Variants in PEMT observed in about 807,000 individuals in gnomAD.
PEMT encodes phospholipid methyltransferase.
In PEMT, 23 loss-of-function variants were observed where a neutral mutation model predicts 27.4. The observed-to-expected ratio is 0.84, with a 90% confidence interval of 0.60 to 1.19. The LOEUF is 1.19. Ranked by LOEUF, PEMT falls within the 50% of genes most tolerant of loss-of-function variation. The pLI, the probability that PEMT is intolerant of heterozygous loss-of-function variation, is 0.00. For missense variants in PEMT, 307 were observed against 310.1 expected (o/e 0.99, Z 0.07); for synonymous variants, 137 against 139.1 (o/e 0.98, Z 0.11).
chr17:17,590,459 G>T (rs796437679), intron 1 of PEMT, among the ~76,000 whole-genome samples: 2 of 152,290 alleles, frequency 1.3e-5, no homozygotes, highest in African/African-American at 4.8e-5. Context: ...TTTCAATCCC[G>T]CCTTCCCATC....
chr17:17,541,671 T>C (rs948227610), intron 2 of PEMT, among the ~76,000 whole-genome samples: 1 of 152,230 alleles, frequency 6.6e-6, no homozygotes, highest in Non-Finnish European at 1.5e-5. Context: ...ATAAATATTT[T>C]GATATCTGTG....
At position 17,591,571 on chromosome 17, in the gene PEMT, G is replaced by C. The variant is rs771276431; in HGVS notation, c.56C>G (p.Pro19Arg). 2.9e-5 allele frequency: 47 copies of C among 1,613,722 alleles called. No individual in the cohort carries two copies. The highest frequency in any genetic ancestry group is 1.6e-4 in the Middle Eastern group (1 of 6,080). The change falls in exon 1 of 7, where the codon CCT becomes CGT. Residue 19 changes from proline (P) to arginine (R), a missense_variant. Physicochemically the swap from Pro to Arg is moderately radical, Grantham distance 103. Coordinates refer to ENST00000255389, the MANE Select transcript of PEMT (RefSeq NM_148172.3). ...AEVTNSSVAG[P>R]DCCGGLGNID... ...ATTGCCGAGGCCTCCGCAGCAGTCAGGCCCTGCCACCGAGCTGTTCGTTAC... is the reference window on the plus strand; with the variant it reads ...ATTGCCGAGGCCTCCGCAGCAGTCACGCCCTGCCACCGAGCTGTTCGTTAC...
intron 2 of PEMT, among the ~76,000 whole-genome samples, chr17:17,540,692 C>T (rs529302467): frequency 6.6e-6 from 1 of 152,280 alleles, no homozygotes; most frequent in East Asian, 1.9e-4. Context: ...CGCAGCACAG[C>T]CCACTTCTCC....
intron 2 of PEMT, among the ~76,000 whole-genome samples, chr17:17,574,085 G>A (rs1440010882): frequency 2.6e-5 from 4 of 151,780 alleles, no homozygotes; most frequent in African/African-American, 4.8e-5. Context: ...GATGCCGTCC[G>A]GATACTCTCC....
intron 2 of PEMT, among the ~76,000 whole-genome samples, chr17:17,537,415 G>A (rs750055627): frequency 7.2e-5 from 11 of 152,198 alleles, no homozygotes; most frequent in Admixed American, 5.2e-4. Flanking sequence ...GTGGTCCAGC[G>A]ACAGCAGAGG....
intron 3 of PEMT, among the ~76,000 whole-genome samples, chr17:17,516,516 G>A (rs771345827): frequency 6.6e-6 from 1 of 152,130 alleles, no homozygotes; most frequent in Admixed American, 6.5e-5. Flanking sequence ...GCCTCCTCAC[G>A]ACCTGTAAAC....
Position 17,512,682 on chromosome 17 carries a change from C to A in PEMT, c.321-28G>T. The A allele has an allele frequency of 6.7e-7, 1 of 1,482,310 alleles. No homozygotes were observed. Among genetic ancestry groups the A allele is most frequent in the Non-Finnish European group, 9.0e-7 (1 of 1,106,982 alleles). The allele number at this position is 1,482,310 out of a possible 1,614,324, so 91.8% of individuals were successfully genotyped here. A position where few individuals can be genotyped will look rare whatever the true frequency, so the allele number is the denominator to read the frequency against. On this transcript the variant is annotated intron_variant, in intron 3 of 6. Coordinates refer to ENST00000255389, the MANE Select transcript of PEMT (RefSeq NM_148172.3). The surrounding 1 kb of genome is among the most constrained non-coding windows in gnomAD (Gnocchi z 6.3). ...GTGGGCAGGGGATGGAGAGGGAGGA[C>A]GTCATGGCCAGGGAGGATGTCACAG...
chr17:17,530,190 T>C (rs2142563250), intron 2 of PEMT, among the ~76,000 whole-genome samples: 2 of 152,234 alleles, frequency 1.3e-5, no homozygotes, highest in Non-Finnish European at 2.9e-5. Context: ...ATGTAAATGT[T>C]TTGCATAATT....
chr17:17,536,481 G>T (rs144242598), intron 2 of PEMT, among the ~76,000 whole-genome samples: 28 of 152,242 alleles, frequency 1.8e-4, no homozygotes, highest in African/African-American at 6.7e-4. Context: ...TCTGCCTCCG[G>T]GTCCGAAGCA....
chr17:17,557,523 T>A (rs971439568), intron 2 of PEMT, among the ~76,000 whole-genome samples: 28 of 152,292 alleles, frequency 1.8e-4, no homozygotes, highest in Middle Eastern at 3.4e-3. Flanking sequence ...CAGGCGGTAA[T>A]GAGGATGCCT....
chr17:17,521,106 A>G, intron 3 of PEMT, among the ~76,000 whole-genome samples: 1 of 152,212 alleles, frequency 6.6e-6, no homozygotes, highest in African/African-American at 2.4e-5. Context: ...GAGCCAGGCT[A>G]CACGCGCCCC....
rs912025532 is a variant in PEMT at position 17,521,651 on chromosome 17, G to A, written c.320+629C>T. On this transcript the variant is annotated intron_variant, in intron 3 of 6. Transcript: ENST00000255389. ...GCAACCTCGGCTCACTGCAACCTCCGCCTCCTGGGTTCAAGCAATTCTCCT... is the reference window on the plus strand; with the variant it reads ...GCAACCTCGGCTCACTGCAACCTCCACCTCCTGGGTTCAAGCAATTCTCCT... Among the ~76,000 whole-genome samples, 8 of 152,182 alleles carry A rather than the reference G, an allele frequency of 5.3e-5. No individual in the cohort carries two copies. The South Asian group carries it at 6.2e-4, about 12-fold the overall frequency.
intron 2 of PEMT, among the ~76,000 whole-genome samples, chr17:17,540,548 A>G (rs1248839922): frequency 6.6e-6 from 1 of 152,198 alleles, no homozygotes; most frequent in Non-Finnish European, 1.5e-5. Context: ...GCTGGCCTCC[A>G]CCAGCCAGAC....
intron 2 of PEMT, among the ~76,000 whole-genome samples, chr17:17,574,012 G>A (rs1342498981): frequency 6.6e-6 from 1 of 151,840 alleles, no homozygotes; most frequent in Non-Finnish European, 1.5e-5. Flanking sequence ...CAACTCCTTG[G>A]CTCAACTGAT....
chr17:17,517,952 T>C, intron 3 of PEMT: 1 of 985,004 alleles, frequency 1.0e-6, no homozygotes, highest in Non-Finnish European at 1.2e-6. Flanking sequence ...TCCAGGTGCC[T>C]CCTAGCCCAG....
intron 2 of PEMT, among the ~76,000 whole-genome samples, chr17:17,551,468 G>A (rs1567714191): frequency 6.6e-6 from 1 of 152,234 alleles, no homozygotes; most frequent in South Asian, 2.1e-4. Context: ...AGCTGGCGCG[G>A]GCTTGCAGGC....
chr17:17,559,160 C>A (rs1158315249), intron 2 of PEMT, among the ~76,000 whole-genome samples: 1 of 152,204 alleles, frequency 6.6e-6, no homozygotes, highest in Admixed American at 6.5e-5. Context: ...GCACAGCTAG[C>A]AAGTGTGCTG....
Position 17,509,501 on chromosome 17 carries a change from G to A in PEMT, c.511C>T (p.Pro171Ser). The change falls in exon 5 of 7, where the codon CCC becomes TCC. Residue 171 changes from proline to serine, a missense_variant. Pro to Ser is a moderately conservative substitution (Grantham distance 74). Coordinates refer to ENST00000255389, the MANE Select transcript of PEMT (RefSeq NM_148172.3). ...ATGGGGTTGTCCAGGATGTTGAAGG[G>A]GAACACGGTCACTCTCGCCTCCTTG... ...ILKEARVTVFPFNILDNPMYW... is the reference protein window; with the variant it reads ...ILKEARVTVFSFNILDNPMYW... 1.9e-6 allele frequency: 3 copies of A among 1,614,012 alleles called. No homozygotes were observed. The highest frequency in any genetic ancestry group is 1.7e-5 in the Admixed American group (1 of 60,006).
intron 2 of PEMT, among the ~76,000 whole-genome samples, chr17:17,542,862 A>G (rs913969896): frequency 3.9e-5 from 6 of 152,220 alleles, no homozygotes; most frequent in Non-Finnish European, 5.9e-5. Context: ...AGCAGGGCCC[A>G]AGGCTGCAGG....
Sources: gnomAD v4.1 joint callset for allele counts (sites outside exome capture counted in the v4.1 genomes callset) on GRCh38, gnomAD v4.1.1 for gene constraint, Gnocchi (gnomAD v3.1) non-coding constraint, MANE v1.5 for transcripts, NCBI Gene and HGNC (gene_info 2026-07-23, HGNC 2026-07-21) for gene names.